The following TEC variants were observed in gnomAD, a reference collection of about 807,000 sequenced individuals.
The protein encoded by TEC is tec protein tyrosine kinase, also known as tyrosine-protein kinase Tec.
In TEC, 72 loss-of-function variants were observed where a neutral mutation model predicts 93.0. The observed-to-expected ratio is 0.77, with a 90% CI of 0.64 to 0.94. TEC has a LOEUF of 0.94. TEC is among the 40% of genes least tolerant of loss of function. The pLI is 0.00. For missense variants in TEC, 630 were observed against 757.9 expected (o/e 0.83, Z 1.98); for synonymous variants, 249 against 247.7 (o/e 1.01, Z -0.05).
At chr4:48,141,935 C>T (rs1310700634) in intron 14 of TEC, among the ~76,000 whole-genome samples, 2 of 152,048 alleles carry the variant, frequency 1.3e-5, no homozygotes, top group Non-Finnish European at 2.9e-5. Context: ...ATTATAGTCA[C>T]GAGCAACCTC....
rs1422378286 is a variant in TEC at position 48,145,223 on chromosome 4, A to AG, written c.1325dup (p.Glu443Ter). 1 of 1,614,056 alleles carries AG rather than the reference A, an allele frequency of 6.2e-7. No homozygotes were observed. Among genetic ancestry groups the AG allele is most frequent in the African/African-American group, 1.3e-5 (1 of 74,924 alleles). ...GAAGGCAGCCCCTTTCCATGAACTC[A>AG]GTAACAATGTATATTGGTTTCTGCT... On this transcript the variant is annotated frameshift_variant, in exon 14 of 18. Coordinates refer to ENST00000381501, the MANE Select transcript of TEC (RefSeq NM_003215.3). LOFTEE classifies it high-confidence loss of function.
intron 2 of TEC, among the ~76,000 whole-genome samples, chr4:48,221,561 G>C (rs1389582673): frequency 1.3e-5 from 2 of 152,138 alleles, no homozygotes; most frequent in Non-Finnish European, 2.9e-5. Context: ...TATTAGCAGT[G>C]TGAGAACCAA....
At chr4:48,139,709 A>G (rs1223759102) in intron 15 of TEC, among the ~76,000 whole-genome samples, 1 of 152,266 alleles carries the variant, frequency 6.6e-6, no homozygotes, top group Non-Finnish European at 1.5e-5. Flanking sequence ...TAGGGTTGGT[A>G]GATGAAAAGA....
chr4:48,229,833 G>A (rs143451464), intron 1 of TEC, among the ~76,000 whole-genome samples: 10,048 of 151,814 alleles, frequency 0.066, 539 homozygotes, highest in East Asian at 0.24. Flanking sequence ...CAGCACTTTG[G>A]GAGGCCGAGG....
At chr4:48,145,642 G>A (rs1577696745) in intron 12 of TEC, 63 bp from the exon 13 acceptor site, 2 of 1,561,754 alleles carry the variant, frequency 1.3e-6, no homozygotes, top group African/African-American at 1.4e-5. Context: ...AATCAGAGAG[G>A]GGGAAAAAGA....
intron 2 of TEC, among the ~76,000 whole-genome samples, chr4:48,212,755 G>C (rs1203682525): frequency 6.6e-6 from 1 of 152,164 alleles, no homozygotes; most frequent in Non-Finnish European, 1.5e-5. Flanking sequence ...TGGCACACAA[G>C]GTAAGAACGC....
intron 2 of TEC, among the ~76,000 whole-genome samples, chr4:48,203,676 C>T (rs1336347445): frequency 1.3e-5 from 2 of 152,042 alleles, no homozygotes; most frequent in Non-Finnish European, 2.9e-5. Flanking sequence ...AATATTTCCA[C>T]CGGAGACACA....
chr4:48,158,012 G>T (rs1200157731), intron 8 of TEC, among the ~76,000 whole-genome samples: 2 of 152,230 alleles, frequency 1.3e-5, no homozygotes, highest in African/African-American at 4.8e-5. Context: ...ATCCTTACTT[G>T]TTGGCAAAGA....
At chr4:48,212,110 A>AAAATATAT in intron 2 of TEC, among the ~76,000 whole-genome samples, 144 of 122,222 alleles carry the variant, frequency 1.2e-3, no homozygotes, top group Non-Finnish European at 2.0e-3. Context: ...AAAAAAAAAA[A>AAAATATAT]ATATATATAT....
intron 1 of TEC, among the ~76,000 whole-genome samples, chr4:48,254,967 A>G (rs1724301706): frequency 1.3e-5 from 2 of 152,238 alleles, no homozygotes; most frequent in Admixed American, 6.5e-5. Flanking sequence ...CACGAAGGCC[A>G]AAAAAGTAGT....
chr4:48,209,299 C>T (rs1577638826), intron 2 of TEC, among the ~76,000 whole-genome samples: 3 of 152,002 alleles, frequency 2.0e-5, no homozygotes, highest in African/African-American at 4.8e-5. Flanking sequence ...AACAGTCAGA[C>T]GTAGCAGAGT....
intron 8 of TEC, among the ~76,000 whole-genome samples, chr4:48,160,980 A>G (rs1318450606): frequency 6.6e-6 from 1 of 152,066 alleles, no homozygotes; most frequent in Non-Finnish European, 1.5e-5. Context: ...ACATCTAGAA[A>G]TTAGGCCCTG....
At chr4:48,176,423 A>AG (rs1560391295) in intron 2 of TEC, among the ~76,000 whole-genome samples, 3 of 151,826 alleles carry the variant, frequency 2.0e-5, no homozygotes, top group Non-Finnish European at 1.5e-5. Context: ...TGCCCCCCCA[A>AG]AAAAACTCCA....
chr4:48,232,681 C>T (rs531082150), intron 1 of TEC, among the ~76,000 whole-genome samples: 408 of 152,340 alleles, frequency 2.7e-3, no homozygotes, highest in Admixed American at 8.0e-3. Flanking sequence ...CACATTGGCT[C>T]CTTCCTGAAA....
intron 2 of TEC, among the ~76,000 whole-genome samples, chr4:48,193,302 G>C (rs566735448): frequency 6.6e-6 from 1 of 152,056 alleles, no homozygotes; most frequent in South Asian, 2.1e-4. Flanking sequence ...TTTTCGAGAA[G>C]AGTTTTTGCT....
Position 48,228,558 on chromosome 4 carries a change from C to A in TEC, c.57G>T (p.Lys19Asn), listed in dbSNP as rs766554666. The change falls in exon 2 of 18, where the codon AAG becomes AAT. Residue 19 changes from lysine to asparagine, a missense_variant. Coordinates refer to ENST00000381501, the MANE Select transcript of TEC (RefSeq NM_003215.3). ...CTTTGTAGTTTAAGGGCGATGTCTTCTTTTTCTGCTGTGACCTTTTAATAA... is the reference window on the plus strand; with the variant it reads ...CTTTGTAGTTTAAGGGCGATGTCTTATTTTTCTGCTGTGACCTTTTAATAA... The part of the protein sequence containing the change: ...EILIKRSQQK[K>N]KTSPLNYKER... 2.5e-6 allele frequency: 4 copies of A among 1,613,834 alleles called. No homozygotes were observed. The South Asian group carries it at 4.4e-5, about 18-fold the overall frequency.
At chr4:48,202,203 C>T (rs532013480) in intron 2 of TEC, among the ~76,000 whole-genome samples, 25 of 152,046 alleles carry the variant, frequency 1.6e-4, no homozygotes, top group African/African-American at 6.0e-4. Flanking sequence ...AATAAATAAA[C>T]GTGTAAAGGC....
At chr4:48,146,125 G>C (rs1719895927) in intron 12 of TEC, among the ~76,000 whole-genome samples, 200 bp downstream of exon 12, 1 of 152,106 alleles carries the variant, frequency 6.6e-6, no homozygotes, top group Admixed American at 6.6e-5. Context: ...CTGACAGAAA[G>C]TTTTCTATGG....
At chr4:48,248,062 G>A (rs1230791705) in intron 1 of TEC, among the ~76,000 whole-genome samples, 3 of 152,192 alleles carry the variant, frequency 2.0e-5, no homozygotes, top group Non-Finnish European at 2.9e-5. Context: ...TTAGCCTTGA[G>A]TCTTCCACAG....
Sources: gnomAD v4.1 joint callset for allele counts (sites outside exome capture counted in the v4.1 genomes callset) on GRCh38, gnomAD v4.1.1 for gene constraint, MANE v1.5 for transcripts, NCBI Gene and HGNC (gene_info 2026-07-23, HGNC 2026-07-21) for gene names.